The following RAB27B variants were observed in gnomAD, a reference collection of about 807,000 sequenced individuals.
RAB27B encodes the protein ras-related protein Rab-27B.
In RAB27B, 15 loss-of-function variants were observed where a neutral mutation model predicts 24.6. That is an observed-to-expected ratio of 0.61 (90% CI 0.41 to 0.94). RAB27B has a LOEUF of 0.94. Ranked by LOEUF, RAB27B falls within the 40% of genes least tolerant of loss-of-function variation. The probability of loss-of-function intolerance (pLI) is 0.00; values close to 1 mark genes in which losing one functional copy is unlikely to be tolerated. For missense variants in RAB27B, 261 were observed against 266.8 expected, an observed-to-expected ratio of 0.98 and a Z score of 0.15; for synonymous variants, 105 against 92.5, an observed-to-expected ratio of 1.14 and a Z score of -0.78.
At chr18:54,743,470 C>G (rs934967834) in intron 2 of RAB27B, among the ~76,000 whole-genome samples, 2 of 152,148 alleles carry the variant, frequency 1.3e-5, no homozygotes, top group Non-Finnish European at 2.9e-5. Flanking sequence ...AGAGTAGGAG[C>G]TGATTTCCAT....
At chr18:54,866,831 C>T (rs1912248248) in intron 1 of RAB27B, among the ~76,000 whole-genome samples, 1 of 152,116 alleles carries the variant, frequency 6.6e-6, no homozygotes. Context: ...TGGGGCAGCT[C>T]CTCGTATTTT....
intron 3 of RAB27B, chr18:54,880,760 G>A (rs1387502478): frequency 6.6e-6 from 1 of 152,188 alleles, no homozygotes. Context: ...CACATGATAT[G>A]TCAGCCTTGC....
At chr18:54,733,653 C>CCCG (rs1555651343) in intron 2 of RAB27B, among the ~76,000 whole-genome samples, 4 of 122,512 alleles carry the variant, frequency 3.3e-5, no homozygotes, top group Non-Finnish European at 5.3e-5. Context: ...TTCTAGAGCC[C>CCCG]CCCCCCCCCA....
intron 2 of RAB27B, among the ~76,000 whole-genome samples, chr18:54,735,243 G>T (rs1236640854): frequency 6.6e-6 from 1 of 152,156 alleles, no homozygotes; most frequent in African/African-American, 2.4e-5. Flanking sequence ...CCTGTGCTGT[G>T]CTGTCCAGTA....
intron 2 of RAB27B, among the ~76,000 whole-genome samples, chr18:54,719,849 TACCCATCA>T (rs1909303420): frequency 6.6e-6 from 1 of 152,120 alleles, no homozygotes; most frequent in African/African-American, 2.4e-5. Context: ...TGAAAATTCC[TACCCATCA>T]TATAATGATT....
chr18:54,784,013 G>C (rs1024741870), intron 2 of RAB27B, among the ~76,000 whole-genome samples: 1 of 152,196 alleles, frequency 6.6e-6, no homozygotes, highest in African/African-American at 2.4e-5. Flanking sequence ...AAATGAGAGG[G>C]AGACAGTTTT....
rs113177212 is a variant in RAB27B at position 54,784,361 on chromosome 18, A to G, written c.-20+66220A>G. Among the ~76,000 whole-genome samples the G allele has an allele frequency of 8.5e-3, 1,293 of 152,274 alleles. 19 individuals carry two copies. Among genetic ancestry groups the G allele is most frequent in the Non-Finnish European group, 0.014 (949 of 68,024 alleles). On this transcript the variant is annotated intron_variant, in intron 2 of 4. Coordinates refer to the RAB27B transcript ENST00000586570. ...CAGATGTGTTACATGGGTATATTACATGATGCTGTGGTTTGGGCTTCTAAT... is the reference window on the plus strand; with the variant it reads ...CAGATGTGTTACATGGGTATATTACGTGATGCTGTGGTTTGGGCTTCTAAT...
At chr18:54,875,356 CT>C (rs1912651180) in intron 1 of RAB27B, among the ~76,000 whole-genome samples, 1 of 152,056 alleles carries the variant, frequency 6.6e-6, no homozygotes, top group African/African-American at 2.4e-5. Flanking sequence ...TTTGGAGAAT[CT>C]GAGAAACCAG....
At chr18:54,847,103 A>C (rs1911370956) in intron 1 of RAB27B, among the ~76,000 whole-genome samples, 1 of 152,122 alleles carries the variant, frequency 6.6e-6, no homozygotes, top group Admixed American at 6.6e-5. Context: ...CGCCCACCTC[A>C]GCCTCCCAAA....
intron 2 of RAB27B, among the ~76,000 whole-genome samples, chr18:54,785,941 G>A (rs1038968899): frequency 3.3e-5 from 5 of 152,150 alleles, no homozygotes; most frequent in Non-Finnish European, 7.4e-5. Context: ...ATTGTCCAAG[G>A]TTTTAAGCAT....
intron 3 of RAB27B, among the ~76,000 whole-genome samples, chr18:54,883,054 G>A (rs1568114833): frequency 6.6e-6 from 1 of 152,074 alleles, no homozygotes; most frequent in African/African-American, 2.4e-5. Context: ...GTTAACTGTA[G>A]ACACCAGGTG....
intron 2 of RAB27B, among the ~76,000 whole-genome samples, chr18:54,728,903 C>CAAAAAAAAAAAAAAAAA (rs58878407): frequency 1.5e-5 from 1 of 68,256 alleles, no homozygotes; most frequent in Non-Finnish European, 2.5e-5. Flanking sequence ...AAAAAAAACC[C>CAAAAAAAAAAAAAAAAA]AAAAAAAAAA....
At chr18:54,829,325 A>G (rs1476091533) in intron 1 of RAB27B, among the ~76,000 whole-genome samples, 1 of 152,232 alleles carries the variant, frequency 6.6e-6, no homozygotes, top group Non-Finnish European at 1.5e-5. Context: ...TGCAACATTA[A>G]TTAAGCCTCT....
chr18:54,833,030 A>G (rs1910747989), intron 1 of RAB27B, among the ~76,000 whole-genome samples: 1 of 152,212 alleles, frequency 6.6e-6, no homozygotes, highest in South Asian at 2.1e-4. Context: ...GAACAGATGA[A>G]TAAAGGAAAC....
At position 54,741,240 on chromosome 18, in the gene RAB27B, C is replaced by A. The variant is rs1404022543; in HGVS notation, c.-20+23099C>A. Among the ~76,000 whole-genome samples the A allele has an allele frequency of 3.3e-5, 5 of 152,272 alleles. No homozygotes were observed. The East Asian group carries it at 9.7e-4, about 29-fold the overall frequency. On this transcript the variant is annotated intron_variant, in intron 2 of 4. Coordinates refer to the RAB27B transcript ENST00000586570. ...AACATTAGAACACTCACCTACATTC[C>A]TCCGCCCATCCCACCATGTCACCCA...
At chr18:54,833,776 G>T (rs1051537992) in intron 1 of RAB27B, among the ~76,000 whole-genome samples, 10 of 152,200 alleles carry the variant, frequency 6.6e-5, no homozygotes, top group African/African-American at 2.2e-4. Context: ...AAACCAGACA[G>T]TGCAAAAGGA....
chr18:54,858,852 C>T (rs1598967285), intron 1 of RAB27B, among the ~76,000 whole-genome samples: 1 of 152,250 alleles, frequency 6.6e-6, no homozygotes, highest in East Asian at 1.9e-4. Context: ...TAGAATGATT[C>T]TCAAGAATTT....
At chr18:54,795,443 G>A (rs1477797237) in intron 2 of RAB27B, among the ~76,000 whole-genome samples, 3 of 152,180 alleles carry the variant, frequency 2.0e-5, no homozygotes, top group Non-Finnish European at 4.4e-5. Context: ...CAGCCAAGGG[G>A]ATGGGAGATC....
chr18:54,731,025 A>G lies in RAB27B; in HGVS notation c.-20+12884A>G, dbSNP rs543514671. ...GTATTTTTTCATTTGAAATTATTTA[A>G]TTTGGCAATAAGGATTTTAGGAATA... is the stretch of plus-strand genomic sequence containing the variant. On this transcript the variant is annotated intron_variant, in intron 2 of 4. Coordinates refer to the RAB27B transcript ENST00000586570. Among the ~76,000 whole-genome samples, 13 of 152,288 alleles carry G rather than the reference A, an allele frequency of 8.5e-5. No individual in the cohort carries two copies. The South Asian group carries it at 2.7e-3, about 32-fold the overall frequency.
Sources: gnomAD v4.1 joint callset for allele counts (sites outside exome capture counted in the v4.1 genomes callset) on GRCh38, gnomAD v4.1.1 for gene constraint, MANE v1.5 for transcripts, NCBI Gene and HGNC (gene_info 2026-07-23, HGNC 2026-07-21) for gene names.